Variants in MDGA2 observed in about 807,000 individuals in gnomAD.
The protein encoded by MDGA2 is MAM domain containing glycosylphosphatidylinositol anchor 2.
In MDGA2, 40 loss-of-function variants were observed where a neutral mutation model predicts 117.8. The observed-to-expected ratio is 0.34, with a 90% CI of 0.26 to 0.44. The LOEUF is 0.44. Among genes scored for constraint, MDGA2 ranks in the 20% least tolerant of loss-of-function variants. The probability of loss-of-function intolerance (pLI) is 1.00; values close to 1 mark genes in which losing one functional copy is unlikely to be tolerated. For missense variants in MDGA2, 1,123 were observed against 1,250.6 expected, an observed-to-expected ratio of 0.90 and a Z score of 1.54; for synonymous variants, 452 against 439.0, an observed-to-expected ratio of 1.03 and a Z score of -0.37.
chr14:47,343,586 C>CT, intron 1 of MDGA2, among the ~76,000 whole-genome samples: 1 of 152,060 alleles, frequency 6.6e-6, no homozygotes, highest in Admixed American at 6.6e-5. Flanking sequence ...AATATTTTCT[C>CT]TAACAAAAAG....
At chr14:47,525,682 C>CA (rs914961091) in intron 1 of MDGA2, among the ~76,000 whole-genome samples, 6 of 149,966 alleles carry the variant, frequency 4.0e-5, no homozygotes, top group African/African-American at 1.5e-4. Flanking sequence ...GACACCGTCT[C>CA]AAAAAATAAA....
rs71112467 is a variant in MDGA2, at chr14:46,864,545, G to GTTTTTTTTTTTTTTTTTTTT, written c.2752+8868_2752+8887dup. On this transcript the variant is annotated intron_variant, in intron 14 of 16. Transcript: ENST00000399232. Reference sequence around the variant, plus strand: ...TTTGTTGCGCTTTGCAGATATTGCTGTTTTTTTTTTTTTTTTTTTTTTTTT... The same window carrying GTTTTTTTTTTTTTTTTTTTT: ...TTTGTTGCGCTTTGCAGATATTGCTGTTTTTTTTTTTTTTTTTTTTTTTTTTTTTTTTTTTTTTTTTTTTT... 1.1e-3 allele frequency among the ~76,000 whole-genome samples: 57 copies of GTTTTTTTTTTTTTTTTTTTT among 51,476 alleles called. 10 individuals carry two copies. The highest frequency in any genetic ancestry group is 2.0e-3 in the Non-Finnish European group (51 of 25,448). 33.8% of individuals were successfully genotyped at this position (51,476 alleles called of 152,430 possible).
chr14:47,550,561 G>A (rs1428854174), intron 1 of MDGA2, among the ~76,000 whole-genome samples: 1 of 152,034 alleles, frequency 6.6e-6, no homozygotes, highest in African/African-American at 2.4e-5. Context: ...CAGTAGAGTA[G>A]ATGATTTGGT....
At chr14:47,540,540 G>GTGTATGTGTATATATA in intron 1 of MDGA2, among the ~76,000 whole-genome samples, 2 of 79,188 alleles carry the variant, frequency 2.5e-5, no homozygotes, top group African/African-American at 7.8e-5. Flanking sequence ...GTGTGTGTGT[G>GTGTATGTGTATATATA]TATATATATA....
chr14:47,392,022 G>C (rs1008486441), intron 1 of MDGA2, among the ~76,000 whole-genome samples: 2 of 152,148 alleles, frequency 1.3e-5, no homozygotes, highest in South Asian at 2.1e-4. Flanking sequence ...AATTCTGTCT[G>C]TAACAGGGTG....
At chr14:46,869,573 A>G (rs1380502333) in intron 14 of MDGA2, among the ~76,000 whole-genome samples, 2 of 151,926 alleles carry the variant, frequency 1.3e-5, no homozygotes, top group Admixed American at 6.6e-5. Context: ...GAAACATTTA[A>G]CTAAAAAGAA....
intron 1 of MDGA2, among the ~76,000 whole-genome samples, chr14:47,435,748 G>A (rs1225081444): frequency 1.3e-5 from 2 of 152,000 alleles, no homozygotes; most frequent in East Asian, 1.9e-4. Flanking sequence ...ATGGCTTTTT[G>A]TTCCTGCCAA....
intron 2 of MDGA2, among the ~76,000 whole-genome samples, chr14:47,222,685 T>C (rs1886345144): frequency 1.3e-5 from 2 of 152,176 alleles, no homozygotes; most frequent in Admixed American, 6.5e-5. Context: ...ATTGATCATG[T>C]AGTTGATAGC....
chr14:47,437,207 C>G (rs1437183597), intron 1 of MDGA2, among the ~76,000 whole-genome samples: 1 of 152,032 alleles, frequency 6.6e-6, no homozygotes, highest in Admixed American at 6.6e-5. Context: ...GAAATAATGG[C>G]TAACTACATG....
Position 47,502,912 on chromosome 14 carries a change from C to A in MDGA2, c.280+171605G>T, listed in dbSNP as rs975784384. Among the ~76,000 whole-genome samples the A allele has an allele frequency of 1.1e-4, 16 of 152,086 alleles. 1 individual carries two copies. Among genetic ancestry groups the A allele is most frequent in the Admixed American group, 8.5e-4 (13 of 15,296 alleles). On this transcript the variant is annotated intron_variant, in intron 1 of 16. Coordinates refer to ENST00000399232, the MANE Select transcript of MDGA2 (RefSeq NM_001113498.3). ...GCCCAGGCTGGTCTCAAACTCCTGA[C>A]TTTAAGTGATCCTCCTCCTGCCTCC...
chr14:47,173,510 A>C (rs1277859392), intron 3 of MDGA2, among the ~76,000 whole-genome samples: 1 of 152,208 alleles, frequency 6.6e-6, no homozygotes, highest in Non-Finnish European at 1.5e-5. Flanking sequence ...TTCTTAAAGA[A>C]AAGAATTTTC....
intron 7 of MDGA2, among the ~76,000 whole-genome samples, chr14:47,054,758 T>C (rs1421743876): frequency 6.6e-6 from 1 of 151,728 alleles, no homozygotes; most frequent in Admixed American, 6.6e-5. Context: ...GGGGAAAGGA[T>C]TCCCTATTTA....
chr14:47,357,021 G>A (rs969848225), intron 1 of MDGA2, among the ~76,000 whole-genome samples: 4 of 152,176 alleles, frequency 2.6e-5, no homozygotes, highest in African/African-American at 7.2e-5. Flanking sequence ...TTACTTAGCG[G>A]AGATTTGTGG....
intron 5 of MDGA2, among the ~76,000 whole-genome samples, chr14:47,124,322 A>G (rs1378243429): frequency 1.3e-5 from 2 of 152,080 alleles, no homozygotes; most frequent in Non-Finnish European, 1.5e-5. Context: ...AACAGGAGTG[A>G]TATCTGTCTC....
chr14:47,075,768 T>C (rs1890467165), intron 6 of MDGA2, among the ~76,000 whole-genome samples: 1 of 152,144 alleles, frequency 6.6e-6, no homozygotes, highest in South Asian at 2.1e-4. Context: ...CTTTGTACTA[T>C]TCTTGATATT....
chr14:46,935,847 T>C (rs1884760706), intron 9 of MDGA2, among the ~76,000 whole-genome samples: 1 of 152,030 alleles, frequency 6.6e-6, no homozygotes, highest in African/African-American at 2.4e-5. Context: ...ACATGGAGAG[T>C]TGGGAGAAGT....
At chr14:47,307,283 T>G (rs1015754253) in intron 1 of MDGA2, among the ~76,000 whole-genome samples, 1 of 152,164 alleles carries the variant, frequency 6.6e-6, no homozygotes, top group African/African-American at 2.4e-5. Context: ...TTTTTATATA[T>G]TTTTTGTGCA....
At position 47,245,685 on chromosome 14, in the gene MDGA2, G is replaced by T. The variant is rs1425236270; in HGVS notation, c.421-27490C>A. On this transcript the variant is annotated intron_variant, in intron 2 of 16. Transcript: ENST00000399232. ...GTTGTAAAACTGTAGGTACATAGTG[G>T]TAGTATTTTTTGTAAACATACAAGA... Among the ~76,000 whole-genome samples, 4 of 151,718 alleles carry T rather than the reference G, an allele frequency of 2.6e-5. 2 individuals are homozygous for T. The highest frequency in any genetic ancestry group is 5.9e-5 in the Non-Finnish European group (4 of 67,810).
chr14:47,559,576 C>CT (rs75462911), intron 1 of MDGA2, among the ~76,000 whole-genome samples: 1,826 of 138,680 alleles, frequency 0.013, 28 homozygotes, highest in African/African-American at 0.044. Context: ...TTTTTCTTTT[C>CT]TTTTTTTTTT....
Sources: gnomAD v4.1 joint callset for allele counts (sites outside exome capture counted in the v4.1 genomes callset) on GRCh38, gnomAD v4.1.1 for gene constraint, MANE v1.5 for transcripts, NCBI Gene and HGNC (gene_info 2026-07-23, HGNC 2026-07-21) for gene names.